The following JAKMIP1 variants were observed in gnomAD, a reference collection of about 807,000 sequenced individuals.
JAKMIP1 encodes janus kinase and microtubule interacting protein 1, also known as janus kinase and microtubule-interacting protein 1.
JAKMIP1 carries 33 observed loss-of-function variants against 113.0 expected under a neutral mutation model. The ratio of observed to expected loss-of-function variants is 0.29; its 90% CI spans 0.22 to 0.39. The LOEUF (loss-of-function observed/expected upper bound fraction) is 0.39, where lower values mean the gene tolerates loss of function less well. Among genes scored for constraint, JAKMIP1 ranks in the 10% least tolerant of loss-of-function variants. The pLI, the probability that JAKMIP1 is intolerant of heterozygous loss-of-function variation, is 1.00. For synonymous variants in JAKMIP1, 480 were observed against 459.9 expected (o/e 1.04, Z -0.56); for missense variants, 813 against 1,080.5 (o/e 0.75, Z 3.47).
rs1409002642 is a variant in JAKMIP1, at chr4:6,158,346, G to C, written c.-148+41907C>G. Among the ~76,000 whole-genome samples the C allele has an allele frequency of 6.6e-6, 1 of 152,214 alleles. No individual in the cohort carries two copies. The highest frequency in any genetic ancestry group is 2.4e-5 in the African/African-American group (1 of 41,452). The stretch of plus-strand genomic sequence containing the variant: ...GGGATGGGGTGGTGTCTGCCTCCCA[G>C]TCTGTATCCATGTAGGAATCTCAGT... On this transcript the variant is annotated intron_variant, in intron 1 of 20. Transcript: ENST00000409021. The surrounding 1 kb of genome is among the most constrained non-coding windows in gnomAD (Gnocchi z 5.3).
At chr4:6,198,421 G>A (rs1265458864) in intron 1 of JAKMIP1, among the ~76,000 whole-genome samples, 1 of 152,154 alleles carries the variant, frequency 6.6e-6, no homozygotes, top group Non-Finnish European at 1.5e-5. Flanking sequence ...GGAGAGGGGA[G>A]AGATGGGCTG....
chr4:6,180,457 C>T lies in JAKMIP1; in HGVS notation c.-148+19796G>A, dbSNP rs533996022. 2.9e-4 allele frequency among the ~76,000 whole-genome samples: 44 copies of T among 152,254 alleles called. No homozygotes were observed. The highest frequency in any genetic ancestry group is 1.7e-3 in the South Asian group (8 of 4,816). ...GGAGGTGAGGATAGGCAATGGGGAC[C>T]GATACCTGTGCTACAAGAAGAATTA... is the stretch of plus-strand genomic sequence containing the variant. On this transcript the variant is annotated intron_variant, in intron 1 of 20. Transcript: ENST00000409021. The surrounding 1 kb of genome is among the most constrained non-coding windows in gnomAD (Gnocchi z 4.5).
At chr4:6,113,925 CGTGA>C (rs1452921703) in intron 1 of JAKMIP1, among the ~76,000 whole-genome samples, 37 of 149,528 alleles carry the variant, frequency 2.5e-4, no homozygotes, top group Non-Finnish European at 4.5e-4. Flanking sequence ...CCGCCAGGTG[CGTGA>C]ATGAATGAGT....
At chr4:6,120,688 A>C (rs1289456766) in intron 1 of JAKMIP1, among the ~76,000 whole-genome samples, 1 of 152,220 alleles carries the variant, frequency 6.6e-6, no homozygotes, top group Non-Finnish European at 1.5e-5. Context: ...AATCAACAAA[A>C]TAATGAAAGA....
chr4:6,112,193 G>A (rs1560205692), intron 2 of JAKMIP1, among the ~76,000 whole-genome samples: 1 of 152,212 alleles, frequency 6.6e-6, no homozygotes, highest in African/African-American at 2.4e-5. Flanking sequence ...GCCTGACTTA[G>A]GAGCATTTTT....
intron 1 of JAKMIP1, among the ~76,000 whole-genome samples, chr4:6,123,534 C>A (rs1312475077): frequency 6.6e-6 from 1 of 152,206 alleles, no homozygotes; most frequent in Non-Finnish European, 1.5e-5. Flanking sequence ...AAAGAAGAAG[C>A]CTCAGGCTGG....
rs1278657700 is a variant in JAKMIP1 at position 6,197,332 on chromosome 4, G to A, written c.-148+2921C>T. Among the ~76,000 whole-genome samples, 1 of 152,108 alleles carries A rather than the reference G, an allele frequency of 6.6e-6. No individual in the cohort carries two copies. Among genetic ancestry groups the A allele is most frequent in the Non-Finnish European group, 1.5e-5 (1 of 68,030 alleles). ...TTAGTTTCATCGTTAGCTAAAGAAG[G>A]ACCCCAAATGTGGGCGTGGGAGTTT... On this transcript the variant is annotated intron_variant, in intron 1 of 20. Coordinates refer to ENST00000409021, the MANE Select transcript of JAKMIP1 (RefSeq NM_001099433.2). The surrounding 1 kb of genome is among the most constrained non-coding windows in gnomAD (Gnocchi z 6.5).
chr4:6,059,544 G>A lies in JAKMIP1; in HGVS notation c.1644+880C>T, dbSNP rs553930296. Among the ~76,000 whole-genome samples the A allele has an allele frequency of 1.5e-3, 230 of 152,166 alleles. No individual in the cohort carries two copies. The highest frequency in any genetic ancestry group is 2.7e-3 in the Non-Finnish European group (181 of 68,010). The stretch of plus-strand genomic sequence containing the variant: ...AGGGGTGGGGGCCACCAGACACTCC[G>A]TCTGCCCACACCCTCCTTGGCACCC... On this transcript the variant is annotated intron_variant, in intron 11 of 20. Transcript: ENST00000409021. This position sits in a 1 kb window ranked among gnomAD's most constrained non-coding sequence, Gnocchi z 4.8.
chr4:6,132,890 G>A (rs546425886), intron 1 of JAKMIP1, among the ~76,000 whole-genome samples: 2 of 152,120 alleles, frequency 1.3e-5, no homozygotes, highest in South Asian at 2.1e-4. Flanking sequence ...TTCAAGACTC[G>A]CATGCACAAA....
chr4:6,048,319 C>T (rs564023861), intron 16 of JAKMIP1, among the ~76,000 whole-genome samples: 1 of 152,304 alleles, frequency 6.6e-6, no homozygotes, highest in East Asian at 1.9e-4. Flanking sequence ...AGTCATTCTG[C>T]TTCTAAAATA....
Position 6,081,866 on chromosome 4 carries a change from G to T in JAKMIP1, c.955-111C>A. ...CCAGTTAGGACCCCTTCTGAGGCCA[G>T]TGTCCTGGATGACACATTTGTTTGC... On this transcript the variant is annotated intron_variant, in intron 5 of 20. Coordinates refer to ENST00000409021, the MANE Select transcript of JAKMIP1 (RefSeq NM_001099433.2). This position sits in a 1 kb window ranked among gnomAD's most constrained non-coding sequence, Gnocchi z 4.6. 1 of 1,241,298 alleles carries T rather than the reference G, an allele frequency of 8.1e-7. No homozygotes were observed. Among genetic ancestry groups the T allele is most frequent in the Non-Finnish European group, 1.1e-6 (1 of 877,322 alleles). The allele number at this position is 1,241,298 out of a possible 1,614,324, so 76.9% of individuals were successfully genotyped here. A position where few individuals can be genotyped will look rare whatever the true frequency, so the allele number is the denominator to read the frequency against.
chr4:6,146,987 T>G lies in JAKMIP1; in HGVS notation c.-147-33990A>C, dbSNP rs910450634. 9.9e-5 allele frequency among the ~76,000 whole-genome samples: 15 copies of G among 152,268 alleles called. No homozygotes were observed. The South Asian group carries it at 2.7e-3, about 27-fold the overall frequency. ...TTTTTGTTTTTGGGGGGATGGAGTT[T>G]TGCTCTTGTTGCCCAGGCTGGAGTG... On this transcript the variant is annotated intron_variant, in intron 1 of 20. Transcript: ENST00000409021.
In JAKMIP1 at chr4:6,069,745, C is replaced by A. The variant is rs1718687071; in HGVS notation, c.1303-4737G>T. Among the ~76,000 whole-genome samples the A allele has an allele frequency of 8.5e-6, 1 of 117,754 alleles. No individual in the cohort carries two copies. Among genetic ancestry groups the A allele is most frequent in the East Asian group, 2.1e-4 (1 of 4,872 alleles). 77.3% of individuals were successfully genotyped at this position (117,754 alleles called of 152,430 possible). On this transcript the variant is annotated intron_variant, in intron 8 of 20. Coordinates refer to ENST00000409021, the MANE Select transcript of JAKMIP1 (RefSeq NM_001099433.2). The surrounding 1 kb of genome is among the most constrained non-coding windows in gnomAD (Gnocchi z 4.5). The stretch of plus-strand genomic sequence containing the variant: ...TCCAGCCTGGGTGACAGGGCAAGAT[C>A]CTGTCTCAAAAAAAAAAAAAAAAAG...
chr4:6,199,853 T>A lies in JAKMIP1; in HGVS notation c.-148+400A>T, dbSNP rs933311937. Among the ~76,000 whole-genome samples, 1 of 149,922 alleles carries A rather than the reference T, an allele frequency of 6.7e-6. No individual in the cohort carries two copies. The highest frequency in any genetic ancestry group is 1.5e-5 in the Non-Finnish European group (1 of 67,420). Reference sequence around the variant, plus strand: ...GGGCCGGCCACACCCCCCGCGCCACTCCGGCAGGCACCGGGTGGGTCCCCC... The same window carrying A: ...GGGCCGGCCACACCCCCCGCGCCACACCGGCAGGCACCGGGTGGGTCCCCC... On this transcript the variant is annotated intron_variant, in intron 1 of 20. Transcript: ENST00000409021. The surrounding 1 kb of genome is among the most constrained non-coding windows in gnomAD (Gnocchi z 5.6).
In JAKMIP1 at chr4:6,158,147, G is replaced by A. The variant is rs374543115; in HGVS notation, c.-148+42106C>T. Reference sequence around the variant, plus strand: ...CTCTCCTGACCTGGAACGCAAGGATGGGGAGAACGGATCGCCTCACAGTGT... The same window carrying A: ...CTCTCCTGACCTGGAACGCAAGGATAGGGAGAACGGATCGCCTCACAGTGT... On this transcript the variant is annotated intron_variant, in intron 1 of 20. Coordinates refer to ENST00000409021, the MANE Select transcript of JAKMIP1 (RefSeq NM_001099433.2). The surrounding 1 kb of genome is among the most constrained non-coding windows in gnomAD (Gnocchi z 5.3). Among the ~76,000 whole-genome samples the A allele has an allele frequency of 2.6e-5, 4 of 152,326 alleles. No individual in the cohort carries two copies. Among genetic ancestry groups the A allele is most frequent in the African/African-American group, 4.8e-5 (2 of 41,590 alleles).
At position 6,185,492 on chromosome 4, in the gene JAKMIP1, C is replaced by T. The variant is rs558663743; in HGVS notation, c.-148+14761G>A. ...GAAACCCCATCTCTACTAAAAAATA[C>T]AAAAAATTAGCCGGGCGTGGTGGCA... On this transcript the variant is annotated intron_variant, in intron 1 of 20. Coordinates refer to ENST00000409021, the MANE Select transcript of JAKMIP1 (RefSeq NM_001099433.2). The surrounding 1 kb of genome is among the most constrained non-coding windows in gnomAD (Gnocchi z 5.3). 6.6e-6 allele frequency among the ~76,000 whole-genome samples: 1 copy of T among 152,056 alleles called. No homozygotes were observed. Among genetic ancestry groups the T allele is most frequent in the Non-Finnish European group, 1.5e-5 (1 of 68,014 alleles).
chr4:6,045,133 G>A (rs555425834), intron 16 of JAKMIP1, among the ~76,000 whole-genome samples: 1 of 152,350 alleles, frequency 6.6e-6, no homozygotes, highest in South Asian at 2.1e-4. Flanking sequence ...CCAAGGCTTC[G>A]ACTCACGGCC....
Position 6,160,950 on chromosome 4 carries a change from C to G in JAKMIP1, c.-148+39303G>C, listed in dbSNP as rs547579064. On this transcript the variant is annotated intron_variant, in intron 1 of 20. Coordinates refer to ENST00000409021, the MANE Select transcript of JAKMIP1 (RefSeq NM_001099433.2). ...ACCTCCCCGATCTCCACTTATCTCC[C>G]CTGACCTCCACTCACCTCCCTGACC... is the stretch of plus-strand genomic sequence containing the variant. 4.5e-3 allele frequency among the ~76,000 whole-genome samples: 683 copies of G among 150,144 alleles called. 4 individuals are homozygous for G. The highest frequency in any genetic ancestry group is 0.015 in the African/African-American group (619 of 40,706).
chr4:6,048,914 T>C lies in JAKMIP1; in HGVS notation c.1971A>G (p.Arg657=). ...LDILGDNGNL[R]NEEQVAIIQA... Reference sequence around the variant, plus strand: ...GGATTATTGCAACCTGTTCTTCATTTCTCAAATTCTAAAACACAAAAATGG... The same window carrying C: ...GGATTATTGCAACCTGTTCTTCATTCCTCAAATTCTAAAACACAAAAATGG... Residue 657 remains arginine (R), a synonymous_variant, in exon 16 of 21, where the codon AGA becomes AGG. Coordinates refer to ENST00000409021, the MANE Select transcript of JAKMIP1 (RefSeq NM_001099433.2). 9 of 1,613,882 alleles carry C rather than the reference T, an allele frequency of 5.6e-6. No homozygotes were observed. Among genetic ancestry groups the C allele is most frequent in the Non-Finnish European group, 7.6e-6 (9 of 1,179,760 alleles).
Sources: allele counts gnomAD v4.1 joint callset (sites outside exome capture counted in the v4.1 genomes callset), GRCh38; gene constraint gnomAD v4.1.1; non-coding constraint Gnocchi (gnomAD v3.1); transcripts MANE v1.5; gene names NCBI Gene and HGNC (gene_info 2026-07-23, HGNC 2026-07-21).